The following KCNIP4 variants were observed in gnomAD, a reference collection of about 807,000 sequenced individuals.
The protein encoded by KCNIP4 is potassium voltage-gated channel interacting protein 4, also known as Kv channel-interacting protein 4.
Under a neutral mutation model 34.0 loss-of-function variants are expected in KCNIP4, and 12 were observed. That is an observed-to-expected ratio of 0.35 (90% CI 0.23 to 0.57). The LOEUF (loss-of-function observed/expected upper bound fraction) is 0.57, where lower values mean the gene tolerates loss of function less well. KCNIP4 is among the 20% of genes least tolerant of loss of function. KCNIP4 has a pLI of 0.83. For synonymous variants in KCNIP4, 124 were observed against 102.2 expected (o/e 1.21, Z -1.29); for missense variants, 238 against 311.7 (o/e 0.76, Z 1.78).
At chr4:21,034,233 G>T in intron 1 of KCNIP4, among the ~76,000 whole-genome samples, 1 of 152,132 alleles carries the variant, frequency 6.6e-6, no homozygotes, top group East Asian at 1.9e-4. Flanking sequence ...TAGAATTCTA[G>T]CAGAGAACAG....
At chr4:20,774,174 A>G (rs947383118) in intron 3 of KCNIP4, among the ~76,000 whole-genome samples, 3 of 152,090 alleles carry the variant, frequency 2.0e-5, no homozygotes, top group African/African-American at 4.8e-5. Context: ...TTCCCCATGG[A>G]GGAAATTATT....
At chr4:21,296,727 C>T (rs571612258) in intron 1 of KCNIP4, among the ~76,000 whole-genome samples, 1 of 152,006 alleles carries the variant, frequency 6.6e-6, no homozygotes, top group South Asian at 2.1e-4. Context: ...AACTGAAACA[C>T]ACACTTGTTA....
At chr4:21,406,472 T>A (rs183885280) in intron 1 of KCNIP4, among the ~76,000 whole-genome samples, 1 of 152,270 alleles carries the variant, frequency 6.6e-6, no homozygotes, top group East Asian at 1.9e-4. Flanking sequence ...AAAAAGCAAA[T>A]AGGCCAGTTT....
At position 21,017,600 on chromosome 4, in the gene KCNIP4, A is replaced by G. The variant is rs147835980; in HGVS notation, c.62-134891T>C. On this transcript the variant is annotated intron_variant, in intron 1 of 8. Transcript: ENST00000382152. ...TTTATCCAGTCTATCATCGATGGGC[A>G]TTTGGCTTGATTCCATGTCTTTGCT... Among the ~76,000 whole-genome samples, 569 of 152,248 alleles carry G rather than the reference A, an allele frequency of 3.7e-3. 3 individuals carry two copies. Among genetic ancestry groups the G allele is most frequent in the African/African-American group, 0.013 (542 of 41,536 alleles).
chr4:20,764,663 A>G (rs1410480331), intron 3 of KCNIP4, among the ~76,000 whole-genome samples: 8 of 142,402 alleles, frequency 5.6e-5, no homozygotes, highest in Non-Finnish European at 9.1e-5. Flanking sequence ...GCTACCGACT[A>G]GAATCACATG....
At chr4:21,696,496 A>T (rs576804283) in intron 1 of KCNIP4, among the ~76,000 whole-genome samples, 1 of 152,266 alleles carries the variant, frequency 6.6e-6, no homozygotes, top group African/African-American at 2.4e-5. Flanking sequence ...AGCTCACAAC[A>T]GTTCTTTATG....
intron 3 of KCNIP4, among the ~76,000 whole-genome samples, chr4:20,843,765 GA>G (rs1295655062): frequency 2.6e-5 from 4 of 152,086 alleles, no homozygotes; most frequent in Non-Finnish European, 4.4e-5. Flanking sequence ...AAAATTGAAA[GA>G]AACAAATAAA....
At chr4:21,513,155 C>T (rs973583758) in intron 1 of KCNIP4, among the ~76,000 whole-genome samples, 24 of 152,170 alleles carry the variant, frequency 1.6e-4, no homozygotes, top group Non-Finnish European at 2.8e-4. Context: ...CAGGACAGCC[C>T]TGCTGTGGAA....
intron 1 of KCNIP4, among the ~76,000 whole-genome samples, chr4:21,449,244 A>AT (rs753247406): frequency 2.0e-5 from 3 of 151,992 alleles, no homozygotes; most frequent in Non-Finnish European, 4.4e-5. Flanking sequence ...TTTAACTCCT[A>AT]TTTTTTCTCT....
chr4:21,248,508 A>T (rs926792476), intron 1 of KCNIP4, among the ~76,000 whole-genome samples: 5 of 152,260 alleles, frequency 3.3e-5, no homozygotes, highest in African/African-American at 1.2e-4. Context: ...AGCCTTGATA[A>T]CTGGAGAATT....
intron 1 of KCNIP4, among the ~76,000 whole-genome samples, chr4:21,235,183 T>A (rs1237458471): frequency 6.6e-6 from 1 of 152,132 alleles, no homozygotes; most frequent in Non-Finnish European, 1.5e-5. Context: ...TTCTCTACAT[T>A]CACAATTAAA....
chr4:21,424,098 C>T (rs997751101), intron 1 of KCNIP4, among the ~76,000 whole-genome samples: 6 of 151,034 alleles, frequency 4.0e-5, no homozygotes, highest in Non-Finnish European at 2.9e-5. Flanking sequence ...GGATTACAGG[C>T]GTGAGCCACC....
chr4:21,529,014 G>T (rs1736431621), intron 1 of KCNIP4, among the ~76,000 whole-genome samples: 1 of 152,178 alleles, frequency 6.6e-6, no homozygotes, highest in South Asian at 2.1e-4. Context: ...TCCTTTTACA[G>T]GTTTTGCCCC....
At chr4:21,601,094 A>G (rs920631732) in intron 1 of KCNIP4, among the ~76,000 whole-genome samples, 1 of 148,650 alleles carries the variant, frequency 6.7e-6, no homozygotes, top group African/African-American at 2.5e-5. Flanking sequence ...TTAATCCCCC[A>G]ACCGTTTTCA....
intron 1 of KCNIP4, among the ~76,000 whole-genome samples, chr4:21,080,770 G>C (rs559715481): frequency 6.6e-6 from 1 of 151,650 alleles, no homozygotes; most frequent in South Asian, 2.1e-4. Context: ...CCAGTGTTTT[G>C]CATATCATAG....
At chr4:21,235,969 C>T (rs1161572396) in intron 1 of KCNIP4, among the ~76,000 whole-genome samples, 2 of 151,950 alleles carry the variant, frequency 1.3e-5, no homozygotes, top group Non-Finnish European at 2.9e-5. Context: ...TAGGTTCTGA[C>T]CTAGATAAGG....
chr4:21,771,754 T>C (rs1289334753), intron 1 of KCNIP4, among the ~76,000 whole-genome samples: 1 of 152,220 alleles, frequency 6.6e-6, no homozygotes, highest in African/African-American at 2.4e-5. Flanking sequence ...AAAGGAATGC[T>C]TGTGATTTTT....
chr4:20,810,342 A>G (rs527502879), intron 3 of KCNIP4, among the ~76,000 whole-genome samples: 2 of 152,092 alleles, frequency 1.3e-5, no homozygotes, highest in East Asian at 3.9e-4. Context: ...ACTTTTCTCT[A>G]TGACCTCAGG....
At chr4:21,028,415 C>T (rs1260502810) in intron 1 of KCNIP4, among the ~76,000 whole-genome samples, 1 of 152,196 alleles carries the variant, frequency 6.6e-6, no homozygotes, top group Non-Finnish European at 1.5e-5. Context: ...CATGACCTCA[C>T]ATAATCTGGC....
Sources: gnomAD v4.1 joint callset for allele counts (sites outside exome capture counted in the v4.1 genomes callset) on GRCh38, gnomAD v4.1.1 for gene constraint, MANE v1.5 for transcripts, NCBI Gene and HGNC (gene_info 2026-07-23, HGNC 2026-07-21) for gene names.